SHC4: variants seen among roughly 807,000 people sequenced by gnomAD.
SHC4 encodes the protein SHC adaptor protein 4, also known as SHC-transforming protein 4.
SHC4 carries 41 observed loss-of-function variants against 69.4 expected under a neutral mutation model. The ratio of observed to expected loss-of-function variants is 0.59; its 90% CI spans 0.46 to 0.77. SHC4 has a LOEUF of 0.77. Among genes scored for constraint, SHC4 ranks in the 30% least tolerant of loss-of-function variants. SHC4 has a pLI of 0.00. For synonymous variants in SHC4, 318 were observed against 299.3 expected, an observed-to-expected ratio of 1.06 and a Z score of -0.64; for missense variants, 777 against 783.8, an observed-to-expected ratio of 0.99 and a Z score of 0.10.
chr15:48,855,528 A>C (rs889213369), intron 8 of SHC4, among the ~76,000 whole-genome samples: 1 of 152,132 alleles, frequency 6.6e-6, no homozygotes, highest in Non-Finnish European at 1.5e-5. Context: ...AGAAGGAACC[A>C]ATAGAGAAAG....
intron 2 of SHC4, among the ~76,000 whole-genome samples, chr15:48,921,245 G>A (rs933914430): frequency 4.5e-4 from 69 of 151,944 alleles, no homozygotes; most frequent in African/African-American, 1.5e-3. Flanking sequence ...CTTTTATGAG[G>A]TACCTAGACC....
At chr15:48,959,229 C>T (rs749501166) in intron 1 of SHC4, among the ~76,000 whole-genome samples, 3 of 152,212 alleles carry the variant, frequency 2.0e-5, no homozygotes, top group Non-Finnish European at 4.4e-5. Flanking sequence ...CCCACCCAAG[C>T]TACTGCCTTT....
In SHC4 at chr15:48,931,070, A is replaced by G. The variant is rs532507798; in HGVS notation, c.586-6121T>C. 9.9e-5 allele frequency among the ~76,000 whole-genome samples: 15 copies of G among 152,214 alleles called. No individual in the cohort carries two copies. In the South Asian group the frequency reaches 3.1e-3, roughly 32 times the overall value. On this transcript the variant is annotated intron_variant, in intron 1 of 11. Transcript: ENST00000332408. ...TACTCAATCCCTTCATTTTCCTCTG[A>G]ACTCTCTTCTTTAGCTTTCCTGAGA...
At chr15:48,867,668 A>G (rs1899588525) in intron 6 of SHC4, 150 bp downstream of exon 6, 1 of 599,746 alleles carries the variant, frequency 1.7e-6, no homozygotes, top group East Asian at 2.9e-5. Flanking sequence ...AGGGCAATTT[A>G]TTTCCAACTC....
At chr15:48,861,720 T>A (rs1212990229) in intron 6 of SHC4, among the ~76,000 whole-genome samples, 1 of 152,172 alleles carries the variant, frequency 6.6e-6, no homozygotes, top group Non-Finnish European at 1.5e-5. Context: ...AGTCTGGATT[T>A]TTTTCATCCC....
chr15:48,842,111 T>C (rs1338571532), intron 10 of SHC4, among the ~76,000 whole-genome samples: 2 of 152,128 alleles, frequency 1.3e-5, no homozygotes, highest in African/African-American at 4.8e-5. Context: ...ATGAAAAGCA[T>C]TTTTTGTTTA....
chr15:48,824,857 T>A lies in SHC4; in HGVS notation c.*1114A>T, dbSNP rs778338567. 6.6e-6 allele frequency: 1 copy of A among 152,590 alleles called. No homozygotes were observed. The highest frequency in any genetic ancestry group is 1.9e-4 in the East Asian group (1 of 5,192). 9.5% of individuals were successfully genotyped at this position (152,590 alleles called of 1,614,324 possible). A position where few individuals can be genotyped will look rare whatever the true frequency, so the allele number is the denominator to read the frequency against. ...CAGCGTAATGCTTTTCTGTACACCA[T>A]GCTTAATCACTCTGTTAGTTTACCA... On this transcript the variant is annotated 3_prime_UTR_variant, in exon 12 of 12. Transcript: ENST00000332408.
chr15:48,878,624 C>G, intron 4 of SHC4: 3 of 1,614,058 alleles, frequency 1.9e-6, no homozygotes, highest in Non-Finnish European at 2.5e-6. Context: ...GTTTCAGATG[C>G]ATTATGAGAA....
At chr15:48,910,297 A>G (rs1900484957) in intron 2 of SHC4, among the ~76,000 whole-genome samples, 1 of 151,570 alleles carries the variant, frequency 6.6e-6, no homozygotes, top group Admixed American at 6.6e-5. Flanking sequence ...GGAGGGTTGT[A>G]TTTTTCCAGG....
intron 4 of SHC4, chr15:48,878,379 C>G: frequency 6.2e-7 from 1 of 1,612,524 alleles, no homozygotes; most frequent in African/African-American, 1.3e-5. Context: ...CCAATGGCGG[C>G]GCCAGAGGGG....
rs1898669341 is a variant in SHC4, at chr15:48,825,504, A to T, written c.*467T>A. The T allele has an allele frequency of 6.5e-6, 1 of 152,950 alleles. No homozygotes were observed. The highest frequency in any genetic ancestry group is 2.4e-5 in the African/African-American group (1 of 41,406). 9.5% of individuals were successfully genotyped at this position (152,950 alleles called of 1,614,324 possible). ...TCAATAAGGCTCAAGAAAATTGCTT[A>T]TTTTTTGTAGCAAGAAAAGCTTTTT... On this transcript the variant is annotated 3_prime_UTR_variant, in exon 12 of 12. Coordinates refer to ENST00000332408, the MANE Select transcript of SHC4 (RefSeq NM_203349.4).
At chr15:48,830,931 A>C (rs771286656) in intron 11 of SHC4, among the ~76,000 whole-genome samples, 5 of 152,228 alleles carry the variant, frequency 3.3e-5, no homozygotes, top group Non-Finnish European at 4.4e-5. Context: ...TGCTCCTTAA[A>C]GACTGTGGAA....
At chr15:48,957,620 G>A (rs55842827) in intron 1 of SHC4, among the ~76,000 whole-genome samples, 1,990 of 152,284 alleles carry the variant, frequency 0.013, 41 homozygotes, top group African/African-American at 0.046. Context: ...TGATGAGCTT[G>A]ATACCCAAGA....
chr15:48,880,996 G>A (rs1899932437), intron 4 of SHC4, among the ~76,000 whole-genome samples: 2 of 124,020 alleles, frequency 1.6e-5, no homozygotes, highest in South Asian at 2.4e-4. Flanking sequence ...GTGTGTGTGT[G>A]TGTGTGTGTG....
At chr15:48,858,853 AAG>A (rs1342936462) in intron 6 of SHC4, among the ~76,000 whole-genome samples, 1 of 152,224 alleles carries the variant, frequency 6.6e-6, no homozygotes, top group African/African-American at 2.4e-5. Context: ...TAATATACAC[AAG>A]AGTGTTGTAA....
intron 3 of SHC4, among the ~76,000 whole-genome samples, chr15:48,887,848 G>T (rs1180908374): frequency 2.0e-5 from 3 of 152,072 alleles, no homozygotes; most frequent in African/African-American, 7.2e-5. Context: ...GAAATAAAAA[G>T]GATTGTAAGA....
intron 1 of SHC4, among the ~76,000 whole-genome samples, chr15:48,961,508 A>T (rs1008854265): frequency 6.6e-6 from 1 of 152,060 alleles, no homozygotes; most frequent in Non-Finnish European, 1.5e-5. Flanking sequence ...CTTTGCTCCT[A>T]TTCTTGGCCT....
intron 4 of SHC4, among the ~76,000 whole-genome samples, chr15:48,874,672 T>C (rs1452570676): frequency 6.6e-6 from 1 of 152,084 alleles, no homozygotes; most frequent in Non-Finnish European, 1.5e-5. Context: ...AAATACAGAT[T>C]AACAATAGCA....
At chr15:48,835,583 G>T (rs532688502) in intron 10 of SHC4, among the ~76,000 whole-genome samples, 1 of 152,228 alleles carries the variant, frequency 6.6e-6, no homozygotes, top group African/African-American at 2.4e-5. Flanking sequence ...GGACTACTTT[G>T]TTGTTTGTGT....
Sources: allele counts gnomAD v4.1 joint callset (sites outside exome capture counted in the v4.1 genomes callset), GRCh38; gene constraint gnomAD v4.1.1; transcripts MANE v1.5; gene names NCBI Gene and HGNC (gene_info 2026-07-23, HGNC 2026-07-21).